Variants in GABRG3 observed in about 807,000 individuals in gnomAD.
GABRG3 encodes gamma-aminobutyric acid receptor subunit gamma-3.
A neutral mutation model predicts 48.8 loss-of-function variants in GABRG3; 25 were observed. The ratio of observed to expected loss-of-function variants is 0.51; its 90% CI spans 0.37 to 0.72. The LOEUF is 0.72. Among genes scored for constraint, GABRG3 ranks in the 30% least tolerant of loss-of-function variants. GABRG3 has a pLI of 0.00. For synonymous variants in GABRG3, 227 were observed against 217.6 expected, an observed-to-expected ratio of 1.04 and a Z score of -0.38; for missense variants, 394 against 577.9, an observed-to-expected ratio of 0.68 and a Z score of 3.26.
rs191994312 is a variant in GABRG3 at position 27,197,988 on chromosome 15, C to G, written c.271-128821C>G. On this transcript the variant is annotated intron_variant, in intron 3 of 9. Transcript: ENST00000615808. Reference sequence around the variant, plus strand: ...ATTATTTTTCTTGTGTCTGATTCTTCTCTCTTTTCATCTTTATTAGTCTGG... The same window carrying G: ...ATTATTTTTCTTGTGTCTGATTCTTGTCTCTTTTCATCTTTATTAGTCTGG... Among the ~76,000 whole-genome samples the G allele has an allele frequency of 1.9e-3, 283 of 152,244 alleles. 2 individuals are homozygous for G. Among genetic ancestry groups the G allele is most frequent in the African/African-American group, 6.6e-3 (274 of 41,540 alleles).
chr15:27,461,760 T>A (rs901646703), intron 5 of GABRG3, among the ~76,000 whole-genome samples: 1 of 152,090 alleles, frequency 6.6e-6, no homozygotes, highest in African/African-American at 2.4e-5. Context: ...GACAGAAAAA[T>A]TCGCCAAGTC....
chr15:27,353,652 C>T (rs1894726269), intron 5 of GABRG3, among the ~76,000 whole-genome samples: 1 of 151,954 alleles, frequency 6.6e-6, no homozygotes. Context: ...CCGTGTTGGC[C>T]AGGCTGGTCT....
intron 3 of GABRG3, among the ~76,000 whole-genome samples, chr15:27,119,344 A>T (rs1215427154): frequency 6.6e-6 from 1 of 152,200 alleles, no homozygotes; most frequent in Non-Finnish European, 1.5e-5. Flanking sequence ...TTTTCTTGAT[A>T]ATCTGTCTTC....
chr15:27,521,964 A>G (rs2150862898), intron 7 of GABRG3, among the ~76,000 whole-genome samples: 1 of 152,148 alleles, frequency 6.6e-6, no homozygotes, highest in East Asian at 1.9e-4. Context: ...AATATTTTTG[A>G]AAACAAGTGG....
intron 6 of GABRG3, among the ~76,000 whole-genome samples, chr15:27,513,983 A>T (rs1890960685): frequency 6.6e-6 from 1 of 152,232 alleles, no homozygotes. Flanking sequence ...AAACTTCATG[A>T]TGACAAAAAC....
At chr15:27,389,456 G>A (rs773933476) in intron 5 of GABRG3, among the ~76,000 whole-genome samples, 14 of 152,152 alleles carry the variant, frequency 9.2e-5, no homozygotes, top group Admixed American at 3.3e-4. Flanking sequence ...ACCAAATTTT[G>A]TACCAGCGCC....
intron 5 of GABRG3, among the ~76,000 whole-genome samples, chr15:27,440,911 A>G (rs187374480): frequency 1.7e-3 from 263 of 152,354 alleles, no homozygotes; most frequent in African/African-American, 6.0e-3. Flanking sequence ...CATAGATTTT[A>G]GCACAGAGGG....
At chr15:27,516,139 C>G (rs963255653) in intron 6 of GABRG3, among the ~76,000 whole-genome samples, 2 of 150,006 alleles carry the variant, frequency 1.3e-5, no homozygotes, top group African/African-American at 4.9e-5. Flanking sequence ...CTACCAACTT[C>G]CTTTTTCAAT....
intron 6 of GABRG3, among the ~76,000 whole-genome samples, chr15:27,487,428 T>C (rs1189477083): frequency 6.6e-6 from 1 of 152,220 alleles, no homozygotes; most frequent in African/African-American, 2.4e-5. Flanking sequence ...CCTTTATTTA[T>C]AGATGAGGAA....
At chr15:27,486,836 T>C (rs1054877156) in intron 6 of GABRG3, among the ~76,000 whole-genome samples, 4 of 152,190 alleles carry the variant, frequency 2.6e-5, no homozygotes, top group African/African-American at 9.7e-5. Context: ...AATTGAGAGA[T>C]TTACGCATTG....
At chr15:27,500,654 C>T (rs1890600934) in intron 6 of GABRG3, among the ~76,000 whole-genome samples, 1 of 152,116 alleles carries the variant, frequency 6.6e-6, no homozygotes, top group African/African-American at 2.4e-5. Flanking sequence ...TAATTTAGTC[C>T]TAAAAATGTA....
chr15:27,036,267 C>G (rs28664921), intron 3 of GABRG3, among the ~76,000 whole-genome samples: 1 of 152,158 alleles, frequency 6.6e-6, no homozygotes, highest in Non-Finnish European at 1.5e-5. Flanking sequence ...GAGGAAGCTT[C>G]GACATGAGAG....
intron 3 of GABRG3, among the ~76,000 whole-genome samples, chr15:27,188,823 A>C (rs1462330604): frequency 6.6e-6 from 1 of 152,142 alleles, no homozygotes; most frequent in African/African-American, 2.4e-5. Context: ...CCTGAATGGT[A>C]AAGCCTAGGT....
At chr15:27,337,397 A>G (rs753495448) in intron 5 of GABRG3, among the ~76,000 whole-genome samples, 8 of 152,226 alleles carry the variant, frequency 5.3e-5, no homozygotes, top group Admixed American at 1.3e-4. Context: ...TCATTTTGCT[A>G]TGCAATCAAT....
chr15:27,066,858 A>G (rs1896746060), intron 3 of GABRG3, among the ~76,000 whole-genome samples: 1 of 152,226 alleles, frequency 6.6e-6, no homozygotes, highest in South Asian at 2.1e-4. Flanking sequence ...TCTTTAGAAT[A>G]TCACATAGAT....
rs1191792636 is a variant in GABRG3 at position 27,534,153 on chromosome 15, T to G, written c.*1272T>G. 1.3e-5 allele frequency: 2 copies of G among 151,536 alleles called. No homozygotes were observed. Among genetic ancestry groups the G allele is most frequent in the Non-Finnish European group, 2.9e-5 (2 of 67,942 alleles). 9.4% of individuals were successfully genotyped at this position (151,536 alleles called of 1,614,324 possible). On this transcript the variant is annotated 3_prime_UTR_variant, in exon 10 of 10. Transcript: ENST00000615808. The stretch of plus-strand genomic sequence containing the variant: ...CTAGGATTACAGGCATGAGCCACCA[T>G]GCCCGGCCAAAATTAAAAAAAAAAA...
chr15:27,527,311 G>C, intron 7 of GABRG3, 122 bp from the exon 8 acceptor site: 1 of 714,154 alleles, frequency 1.4e-6, no homozygotes. Flanking sequence ...CATTACATGA[G>C]GTATGCAGCA....
intron 6 of GABRG3, among the ~76,000 whole-genome samples, chr15:27,487,576 T>C (rs1214570673): frequency 6.6e-6 from 1 of 152,190 alleles, no homozygotes; most frequent in African/African-American, 2.4e-5. Context: ...TGACTTCCTG[T>C]ATCTGACTCC....
intron 5 of GABRG3, among the ~76,000 whole-genome samples, chr15:27,388,572 C>A (rs958728067): frequency 6.6e-6 from 1 of 152,104 alleles, no homozygotes; most frequent in Non-Finnish European, 1.5e-5. Flanking sequence ...ACCACAGAAT[C>A]GGTCCTTGGC....
Sources: allele counts gnomAD v4.1 joint callset (sites outside exome capture counted in the v4.1 genomes callset), GRCh38; gene constraint gnomAD v4.1.1; transcripts MANE v1.5; gene names NCBI Gene and HGNC (gene_info 2026-07-23, HGNC 2026-07-21).